MEIS2: variants seen among roughly 807,000 people sequenced by gnomAD.
The protein encoded by MEIS2 is homeobox protein Meis2.
A neutral mutation model predicts 58.6 loss-of-function variants in MEIS2; 9 were observed. That is an observed-to-expected ratio of 0.15 (90% CI 0.09 to 0.27). The LOEUF (loss-of-function observed/expected upper bound fraction) is 0.27, where lower values mean the gene tolerates loss of function less well. MEIS2 is among the 10% of genes least tolerant of loss of function. The probability of loss-of-function intolerance (pLI) is 1.00; values close to 1 mark genes in which losing one functional copy is unlikely to be tolerated. For synonymous variants in MEIS2, 221 were observed against 228.4 expected, an observed-to-expected ratio of 0.97 and a Z score of 0.29; for missense variants, 427 against 635.0, an observed-to-expected ratio of 0.67 and a Z score of 3.52.
intron 8 of MEIS2, among the ~76,000 whole-genome samples, chr15:36,991,812 G>A (rs1236676218): frequency 9.7e-6 from 1 of 103,334 alleles, no homozygotes; most frequent in Non-Finnish European, 1.8e-5. Flanking sequence ...TTTTGAGACG[G>A]AGTCTCGCTC....
At position 37,098,122 on chromosome 15, in the gene MEIS2, C is replaced by A. The variant is rs376901048; in HGVS notation, c.90G>T (p.Pro30=). 23 of 1,613,254 alleles carry A rather than the reference C, an allele frequency of 1.4e-5. No homozygotes were observed. The highest frequency in any genetic ancestry group is 1.9e-5 in the Non-Finnish European group (22 of 1,179,830). The change falls in exon 2 of 12, where the codon CCG becomes CCT. Residue 30 remains proline (P), a synonymous_variant. Transcript: ENST00000561208. ...GGTGGTGAACCGGGGGGATCGGCCGCGGCGCGTGAGGGTCTCCGTACATGG... is the reference window on the plus strand; with the variant it reads ...GGTGGTGAACCGGGGGGATCGGCCGAGGCGCGTGAGGGTCTCCGTACATGG... ...PASMYGDPHA[P]RPIPPVHHLN...
intron 8 of MEIS2, among the ~76,000 whole-genome samples, chr15:36,988,080 T>G (rs376730231): frequency 3.3e-5 from 5 of 152,272 alleles, no homozygotes; most frequent in East Asian, 3.9e-4. Flanking sequence ...TCATGTTGGA[T>G]TGTATACTGG....
chr15:37,002,521 C>T (rs996919257), intron 8 of MEIS2, among the ~76,000 whole-genome samples: 2 of 152,088 alleles, frequency 1.3e-5, no homozygotes, highest in African/African-American at 4.8e-5. Flanking sequence ...CCTCCTTTCA[C>T]TTAGTGAAGT....
Position 36,912,818 on chromosome 15 carries a change from AC to A in MEIS2, c.978-16133del, listed in dbSNP as rs376912845. On this transcript the variant is annotated intron_variant, in intron 9 of 11. Coordinates refer to ENST00000561208, the MANE Select transcript of MEIS2 (RefSeq NM_170675.5). The stretch of plus-strand genomic sequence containing the variant: ...TTCCTAATCAGAAGACTTGCTACTC[AC>A]CCCCCACTCCTGAAAAAAAAAAAAA... Among the ~76,000 whole-genome samples the A allele has an allele frequency of 4.3e-4, 49 of 113,298 alleles. 1 individual carries two copies. In the East Asian group the frequency reaches 0.011, roughly 25 times the overall value. 74.3% of individuals were successfully genotyped at this position (113,298 alleles called of 152,430 possible). A position where few individuals can be genotyped will look rare whatever the true frequency, so the allele number is the denominator to read the frequency against.
chr15:37,044,764 T>G (rs2062590887), intron 7 of MEIS2, among the ~76,000 whole-genome samples: 1 of 152,232 alleles, frequency 6.6e-6, no homozygotes, highest in African/African-American at 2.4e-5. Flanking sequence ...CCTCTGTTAT[T>G]TACTTTTCTT....
chr15:36,964,938 C>T (rs1480071604), intron 8 of MEIS2, among the ~76,000 whole-genome samples: 3 of 152,162 alleles, frequency 2.0e-5, no homozygotes, highest in Non-Finnish European at 4.4e-5. Flanking sequence ...CTGTCATTTT[C>T]AAAGCATTTT....
chr15:36,942,749 A>G (rs957430984), intron 9 of MEIS2, among the ~76,000 whole-genome samples: 2 of 152,126 alleles, frequency 1.3e-5, no homozygotes, highest in Non-Finnish European at 2.9e-5. Context: ...TACTGTGGGT[A>G]ATGGAAGAAA....
At chr15:37,084,780 A>G (rs182875652) in intron 6 of MEIS2, among the ~76,000 whole-genome samples, 3 of 152,358 alleles carry the variant, frequency 2.0e-5, no homozygotes, top group Admixed American at 6.5e-5. Flanking sequence ...AAAGGAAAAC[A>G]GGAATTCTAA....
Position 36,891,696 on chromosome 15 carries a change from T to A in MEIS2, c.*477A>T, listed in dbSNP as rs2055864987. On this transcript the variant is annotated 3_prime_UTR_variant, in exon 12 of 12. Transcript: ENST00000561208. ...GTTCAGCCAAAAGTTCATCATGATC[T>A]CCAGTGTGGTTCTTTTCTCATTGGC... The A allele has an allele frequency of 6.3e-6, 1 of 159,516 alleles. No homozygotes were observed. The allele number at this position is 159,516 out of a possible 1,614,324, so 9.9% of individuals were successfully genotyped here. A position where few individuals can be genotyped will look rare whatever the true frequency, so the allele number is the denominator to read the frequency against.
At chr15:37,090,231 T>C (rs1031273737) in intron 6 of MEIS2, among the ~76,000 whole-genome samples, 5 of 152,038 alleles carry the variant, frequency 3.3e-5, no homozygotes, top group Non-Finnish European at 5.9e-5. Flanking sequence ...GCATGCATTA[T>C]AAATTTACTA....
chr15:37,095,178 C>T (rs932352081), intron 4 of MEIS2, among the ~76,000 whole-genome samples: 3 of 151,736 alleles, frequency 2.0e-5, no homozygotes, highest in Non-Finnish European at 4.4e-5. Context: ...CAGCCCCCAC[C>T]CCCAGCCCGC....
chr15:36,928,455 C>T (rs1292112993), intron 9 of MEIS2, among the ~76,000 whole-genome samples: 1 of 152,142 alleles, frequency 6.6e-6, no homozygotes, highest in Non-Finnish European at 1.5e-5. Context: ...CAGGTCCAAA[C>T]CGATAGTTAA....
At chr15:37,023,666 G>T (rs1021951585) in intron 8 of MEIS2, among the ~76,000 whole-genome samples, 7 of 152,056 alleles carry the variant, frequency 4.6e-5, no homozygotes, top group Middle Eastern at 3.2e-3. Context: ...TGCTGAGACT[G>T]CCTGAGAAAG....
At chr15:36,892,517 A>T in intron 11 of MEIS2, 58 bp from the exon 12 acceptor site, 2 of 1,206,614 alleles carry the variant, frequency 1.7e-6, no homozygotes. Flanking sequence ...TTTATACTTT[A>T]CCCATCAAAG....
At chr15:36,947,293 G>A (rs2058602452) in intron 9 of MEIS2, among the ~76,000 whole-genome samples, 1 of 151,890 alleles carries the variant, frequency 6.6e-6, no homozygotes, top group African/African-American at 2.4e-5. Flanking sequence ...TAAATACACT[G>A]GAAAAGTCCA....
chr15:36,966,150 C>T (rs2059349263), intron 8 of MEIS2, among the ~76,000 whole-genome samples: 1 of 152,006 alleles, frequency 6.6e-6, no homozygotes, highest in Non-Finnish European at 1.5e-5. Flanking sequence ...TTGAGGAGGG[C>T]TAATTCTTTG....
intron 8 of MEIS2, among the ~76,000 whole-genome samples, chr15:36,955,888 G>T (rs1031561585): frequency 6.6e-6 from 1 of 151,704 alleles, no homozygotes; most frequent in African/African-American, 2.4e-5. Context: ...AGAGTCAAAA[G>T]ATTTTGGGGC....
At chr15:37,034,165 G>T (rs80296705) in intron 8 of MEIS2, among the ~76,000 whole-genome samples, 1 of 152,126 alleles carries the variant, frequency 6.6e-6, no homozygotes, top group Non-Finnish European at 1.5e-5. Flanking sequence ...GGCTGGGACC[G>T]GGCATTGCTC....
At chr15:37,000,268 T>G (rs1221708899) in intron 8 of MEIS2, among the ~76,000 whole-genome samples, 1 of 152,180 alleles carries the variant, frequency 6.6e-6, no homozygotes, top group Non-Finnish European at 1.5e-5. Flanking sequence ...CTGCTGCTTT[T>G]AGGAGCCACT....
Sources: allele counts gnomAD v4.1 joint callset (sites outside exome capture counted in the v4.1 genomes callset), GRCh38; gene constraint gnomAD v4.1.1; transcripts MANE v1.5; gene names NCBI Gene and HGNC (gene_info 2026-07-23, HGNC 2026-07-21).